The following SDHB variants were observed in gnomAD, a reference collection of about 807,000 sequenced individuals.
SDHB encodes succinate dehydrogenase complex iron sulfur subunit B.
A neutral mutation model predicts 39.7 loss-of-function variants in SDHB; 21 were observed. The observed-to-expected ratio is 0.53, with a 90% CI of 0.37 to 0.76. The LOEUF (loss-of-function observed/expected upper bound fraction) is 0.76. SDHB is among the 30% of genes least tolerant of loss of function. The pLI, the probability that SDHB is intolerant of heterozygous loss-of-function variation, is 0.00. For missense variants in SDHB, 343 were observed against 350.9 expected (o/e 0.98, Z 0.18); for synonymous variants, 118 against 117.0 (o/e 1.01, Z -0.06).
intron 1 of SDHB, among the ~76,000 whole-genome samples, chr1:17,052,008 ATTT>A (rs886917497): frequency 7.5e-6 from 1 of 133,872 alleles, no homozygotes; most frequent in African/African-American, 2.7e-5. Context: ...CGCCCAGCTA[ATTT>A]TTTTTTTATT....
intron 6 of SDHB, chr1:17,022,963 G>C: frequency 2.0e-6 from 1 of 492,986 alleles, no homozygotes; most frequent in Non-Finnish European, 3.8e-6. Context: ...TGGTACCCGG[G>C]TGCTTAATTA....
At chr1:17,037,459 A>G (rs1271539632) in intron 2 of SDHB, among the ~76,000 whole-genome samples, 1 of 138,906 alleles carries the variant, frequency 7.2e-6, no homozygotes, top group Non-Finnish European at 1.5e-5. Flanking sequence ...GTGCCACCAC[A>G]CCTGGCAAAT....
intron 1 of SDHB, among the ~76,000 whole-genome samples, chr1:17,053,725 TA>T (rs2078161393): frequency 1.5e-5 from 2 of 135,288 alleles, no homozygotes; most frequent in African/African-American, 5.4e-5. Context: ...CCCTTAGCTG[TA>T]AAAAATTGCC....
intron 6 of SDHB, 158 bp from the exon 7 acceptor site, chr1:17,022,888 G>T: frequency 1.1e-6 from 1 of 916,130 alleles, no homozygotes; most frequent in Non-Finnish European, 1.7e-6. Flanking sequence ...TTCAAGGAAA[G>T]GTTCCCAACA....
intron 1 of SDHB, among the ~76,000 whole-genome samples, chr1:17,048,472 C>T (rs1266553313): frequency 6.6e-6 from 1 of 151,210 alleles, no homozygotes; most frequent in Non-Finnish European, 1.5e-5. Context: ...TCTGTGTGAA[C>T]GTTACATCTT....
chr1:17,024,448 A>G (rs6699999), intron 5 of SDHB, among the ~76,000 whole-genome samples: 129,678 of 152,110 alleles, frequency 0.85, 55,671 homozygotes, highest in East Asian at 0.93. Context: ...TGAAGCAGCA[A>G]GAGTCTGTAG....
intron 6 of SDHB, among the ~76,000 whole-genome samples, chr1:17,023,743 A>C (rs2746471): frequency 6.6e-6 from 1 of 152,228 alleles, no homozygotes; most frequent in Non-Finnish European, 1.5e-5. Flanking sequence ...CATGGTTTGC[A>C]CCCCTTTGGG....
At chr1:17,024,586 C>A (rs1455131386) in intron 5 of SDHB, among the ~76,000 whole-genome samples, 1 of 152,184 alleles carries the variant, frequency 6.6e-6, no homozygotes, top group African/African-American at 2.4e-5. Flanking sequence ...CTTAACTGAT[C>A]ATCACAGTAA....
chr1:17,044,660 G>C (rs2078098831), intron 2 of SDHB, 101 bp downstream of exon 2: 6 of 1,367,816 alleles, frequency 4.4e-6, no homozygotes, highest in Non-Finnish European at 6.2e-6. Context: ...AGAGCCATCG[G>C]ATGATCTCAG....
intron 7 of SDHB, among the ~76,000 whole-genome samples, chr1:17,021,099 C>T (rs1392230837): frequency 6.6e-6 from 1 of 152,240 alleles, no homozygotes; most frequent in East Asian, 1.9e-4. Context: ...GCCCACTGGG[C>T]AAGGCTGACT....
chr1:17,037,929 G>A (rs899012208), intron 2 of SDHB, among the ~76,000 whole-genome samples: 5 of 152,152 alleles, frequency 3.3e-5, no homozygotes, highest in Non-Finnish European at 7.4e-5. Flanking sequence ...CTGAGGTCAG[G>A]AGTTCGAGAC....
rs751920183 is a variant in SDHB, at chr1:17,024,077, G to A, written c.541-3C>T. On this transcript the variant is annotated splice_polypyrimidine_tract_variant and splice_region_variant and intron_variant, in intron 5 of 7. Transcript: ENST00000375499. ...AGAATGCACTCGTAGAGCCCGTCCTGTATGGGGAGAAAAGAGAGGCAGGAG... is the reference window on the plus strand; with the variant it reads ...AGAATGCACTCGTAGAGCCCGTCCTATATGGGGAGAAAAGAGAGGCAGGAG... The A allele has an allele frequency of 2.5e-5, 40 of 1,607,536 alleles. No homozygotes were observed. The East Asian group carries it at 8.7e-4, about 35-fold the overall frequency.
intron 1 of SDHB, among the ~76,000 whole-genome samples, chr1:17,049,193 G>A (rs2078130739): frequency 6.6e-6 from 1 of 152,158 alleles, no homozygotes; most frequent in South Asian, 2.1e-4. Context: ...GTCTTGCCAT[G>A]TTGGCTAAGC....
At chr1:17,040,242 T>G (rs1462804045) in intron 2 of SDHB, among the ~76,000 whole-genome samples, 3 of 152,170 alleles carry the variant, frequency 2.0e-5, no homozygotes. Flanking sequence ...CAAGATTTTC[T>G]CCTATTTTTG....
chr1:17,045,707 C>A (rs150657370), intron 1 of SDHB, among the ~76,000 whole-genome samples: 1 of 152,106 alleles, frequency 6.6e-6, no homozygotes, highest in Non-Finnish European at 1.5e-5. Context: ...GGTTAATTGA[C>A]TAATTACAAA....
intron 1 of SDHB, among the ~76,000 whole-genome samples, chr1:17,048,104 A>G (rs1313923513): frequency 1.3e-5 from 2 of 152,102 alleles, no homozygotes; most frequent in South Asian, 4.1e-4. Flanking sequence ...GATCACTAAC[A>G]TTGCCCTTTT....
In SDHB at chr1:17,050,307, A is replaced by AT. The variant is rs995514411; in HGVS notation, c.72+3640dup. Among the ~76,000 whole-genome samples, 751 of 146,012 alleles carry AT rather than the reference A, an allele frequency of 5.1e-3. 3 individuals are homozygous for AT. The highest frequency in any genetic ancestry group is 0.015 in the East Asian group (74 of 5,034). ...TTTTGGAGTGCCCCAAAATGTCATC[A>AT]TTTTTTTTTTTTCAGTACAACTAAT... On this transcript the variant is annotated intron_variant, in intron 1 of 7. Coordinates refer to ENST00000375499, the MANE Select transcript of SDHB (RefSeq NM_003000.3).
intron 1 of SDHB, among the ~76,000 whole-genome samples, chr1:17,048,535 A>G (rs2078126048): frequency 6.6e-6 from 1 of 152,152 alleles, no homozygotes; most frequent in Non-Finnish European, 1.5e-5. Context: ...TATGGTAGCT[A>G]CAAGTTTAGT....
At chr1:17,020,140 A>C (rs959089156) in intron 7 of SDHB, among the ~76,000 whole-genome samples, 2 of 152,214 alleles carry the variant, frequency 1.3e-5, no homozygotes, top group African/African-American at 4.8e-5. Context: ...AGTGGGAGGG[A>C]GAATTTTCAC....
Sources: gnomAD v4.1 joint callset for allele counts (sites outside exome capture counted in the v4.1 genomes callset) on GRCh38, gnomAD v4.1.1 for gene constraint, MANE v1.5 for transcripts, NCBI Gene and HGNC (gene_info 2026-07-23, HGNC 2026-07-21) for gene names.